The following DDAH1 variants were observed in gnomAD, a reference collection of about 807,000 sequenced individuals.
DDAH1 encodes the protein N(G),N(G)-dimethylarginine dimethylaminohydrolase 1.
Under a neutral mutation model 28.8 loss-of-function variants are expected in DDAH1, and 19 were observed. The observed-to-expected ratio is 0.66, with a 90% CI of 0.46 to 0.97. The LOEUF (loss-of-function observed/expected upper bound fraction) is 0.97, where lower values mean the gene tolerates loss of function less well. DDAH1 is among the 50% of genes least tolerant of loss of function. DDAH1 has a pLI of 0.00. For missense variants in DDAH1, 326 were observed against 375.9 expected (o/e 0.87, Z 1.10); for synonymous variants, 153 against 154.4 (o/e 0.99, Z 0.07).
chr1:85,335,085 C>T (rs888836632), intron 4 of DDAH1, among the ~76,000 whole-genome samples: 1 of 152,088 alleles, frequency 6.6e-6, no homozygotes, highest in African/African-American at 2.4e-5. Flanking sequence ...ATCATGAAAA[C>T]ACACAAAAGT....
intron 1 of DDAH1, among the ~76,000 whole-genome samples, chr1:85,460,706 T>C (rs756283405): frequency 2.6e-5 from 4 of 152,264 alleles, no homozygotes; most frequent in Admixed American, 1.3e-4. Flanking sequence ...CTAAGAACCT[T>C]TGGACAGAAA....
At chr1:85,361,963 T>A (rs1649817834) in intron 1 of DDAH1, among the ~76,000 whole-genome samples, 1 of 152,228 alleles carries the variant, frequency 6.6e-6, no homozygotes, top group South Asian at 2.1e-4. Context: ...GTATTTTTTA[T>A]GAATAACAGC....
chr1:85,337,599 A>G (rs1648220270), intron 4 of DDAH1, among the ~76,000 whole-genome samples: 2 of 152,004 alleles, frequency 1.3e-5, no homozygotes, highest in Admixed American at 6.6e-5. Context: ...GACTACAGGC[A>G]CACACCACCA....
chr1:85,424,092 T>A (rs911191146), intron 1 of DDAH1, among the ~76,000 whole-genome samples: 1 of 152,164 alleles, frequency 6.6e-6, no homozygotes, highest in Non-Finnish European at 1.5e-5. Flanking sequence ...ATAATTTTTT[T>A]ATATATTATT....
chr1:85,502,197 A>T (rs1419619687), intron 1 of DDAH1, among the ~76,000 whole-genome samples: 1 of 152,198 alleles, frequency 6.6e-6, no homozygotes, highest in Non-Finnish European at 1.5e-5. Context: ...GACACGGACA[A>T]TGTCTAATTT....
chr1:85,506,206 G>A (rs1657011594), intron 1 of DDAH1, among the ~76,000 whole-genome samples: 1 of 152,128 alleles, frequency 6.6e-6, no homozygotes, highest in South Asian at 2.1e-4. Flanking sequence ...CTTGCCTGCT[G>A]GGTTTTGAAG....
At chr1:85,572,941 A>T (rs1659501893) in intron 1 of DDAH1, among the ~76,000 whole-genome samples, 1 of 152,220 alleles carries the variant, frequency 6.6e-6, no homozygotes, top group Admixed American at 6.5e-5. Context: ...TCTATATACC[A>T]TATACCAAAG....
chr1:85,407,051 C>T (rs1211233530), intron 1 of DDAH1, among the ~76,000 whole-genome samples: 5 of 151,958 alleles, frequency 3.3e-5, no homozygotes, highest in Admixed American at 3.3e-4. Context: ...TTTCATGTGT[C>T]CACTTTTTAA....
chr1:85,457,321 C>T (rs979364240), intron 1 of DDAH1, among the ~76,000 whole-genome samples: 2 of 152,144 alleles, frequency 1.3e-5, no homozygotes, highest in Non-Finnish European at 2.9e-5. Flanking sequence ...ACTCAATAAT[C>T]GCTCCTTCTG....
rs1162918825 is a variant in DDAH1 at position 85,530,513 on chromosome 1, C to T, written c.-122-34232G>A. ...CCTGCTGATAATAAAAAGTCCAAATCGTAAAGCAGGACATTAGCAGCCTTT... is the reference window on the plus strand; with the variant it reads ...CCTGCTGATAATAAAAAGTCCAAATTGTAAAGCAGGACATTAGCAGCCTTT... On this transcript the variant is annotated intron_variant, in intron 1 of 6. Coordinates refer to the DDAH1 transcript ENST00000426972. 4.0e-5 allele frequency among the ~76,000 whole-genome samples: 6 copies of T among 151,706 alleles called. No homozygotes were observed. In the South Asian group the frequency reaches 6.2e-4, roughly 16 times the overall value.
chr1:85,350,855 C>T (rs77657843), intron 3 of DDAH1, among the ~76,000 whole-genome samples: 2,797 of 152,046 alleles, frequency 0.018, 70 homozygotes, highest in African/African-American at 0.054. Context: ...TCATGGGGAA[C>T]GGAGCATCTT....
intron 1 of DDAH1, among the ~76,000 whole-genome samples, chr1:85,446,557 T>C (rs1654434346): frequency 6.6e-6 from 1 of 152,202 alleles, no homozygotes; most frequent in African/African-American, 2.4e-5. Context: ...CACTTGATCA[T>C]GTCCATTCCA....
At chr1:85,356,679 C>T (rs1649503963) in intron 2 of DDAH1, among the ~76,000 whole-genome samples, 1 of 152,194 alleles carries the variant, frequency 6.6e-6, no homozygotes, top group South Asian at 2.1e-4. Flanking sequence ...CAGTTTTGAA[C>T]AAAGTAACTA....
chr1:85,378,428 A>C (rs1452773770), intron 1 of DDAH1, among the ~76,000 whole-genome samples: 1 of 152,142 alleles, frequency 6.6e-6, no homozygotes, highest in African/African-American at 2.4e-5. Flanking sequence ...TGTTTTTTTG[A>C]GACAGGGTCT....
chr1:85,366,401 TGATTTCTTG>T lies in DDAH1; in HGVS notation c.304-7563_304-7555del, dbSNP rs368105115. On this transcript the variant is annotated intron_variant, in intron 1 of 5. Transcript: ENST00000284031. ...ACATACCCATTTCATTTTTTCCCAT[TGATTTCTTG>T]GATTTCCAAACATATGGGTTTATTT... is the stretch of plus-strand genomic sequence containing the variant. 9.3e-4 allele frequency among the ~76,000 whole-genome samples: 142 copies of T among 152,298 alleles called. 1 individual carries two copies. Among genetic ancestry groups the T allele is most frequent in the Middle Eastern group, 3.4e-3 (1 of 294 alleles).
intron 1 of DDAH1, among the ~76,000 whole-genome samples, chr1:85,395,351 T>G (rs4949900): frequency 0.64 from 97,916 of 152,050 alleles, 31,603 homozygotes; most frequent in East Asian, 0.71. Flanking sequence ...ATTTTTGCCC[T>G]AAGGTAGAAT....
chr1:85,323,326 G>A (rs183613089), intron 5 of DDAH1, among the ~76,000 whole-genome samples: 1 of 152,314 alleles, frequency 6.6e-6, no homozygotes, highest in East Asian at 1.9e-4. Flanking sequence ...ATGAGATGCT[G>A]AGTGCCTAGA....
chr1:85,480,766 T>A (rs58225673), intron 2 of DDAH1, among the ~76,000 whole-genome samples: 10,229 of 151,700 alleles, frequency 0.067, 450 homozygotes, highest in African/African-American at 0.12. Context: ...ATAAATTAAT[T>A]AATTAATAAT....
At chr1:85,525,462 C>A (rs1657832328) in intron 1 of DDAH1, among the ~76,000 whole-genome samples, 1 of 152,018 alleles carries the variant, frequency 6.6e-6, no homozygotes, top group Non-Finnish European at 1.5e-5. Context: ...ATTATGGGAA[C>A]AAAAACTCAG....
Sources: gnomAD v4.1 joint callset for allele counts (sites outside exome capture counted in the v4.1 genomes callset) on GRCh38, gnomAD v4.1.1 for gene constraint, MANE v1.5 for transcripts, NCBI Gene and HGNC (gene_info 2026-07-23, HGNC 2026-07-21) for gene names.